The following XKR6 variants were observed in gnomAD, a reference collection of about 807,000 sequenced individuals.
The protein encoded by XKR6 is XK related 6.
XKR6 carries 22 observed loss-of-function variants against 56.7 expected under a neutral mutation model. The ratio of observed to expected loss-of-function variants is 0.39; its 90% confidence interval spans 0.28 to 0.55. The LOEUF is 0.55. XKR6 is among the 20% of genes least tolerant of loss of function. XKR6 has a pLI of 0.66. For missense variants in XKR6, 852 were observed against 889.0 expected (o/e 0.96, Z 0.53); for synonymous variants, 524 against 387.8 (o/e 1.35, Z -4.13).
intron 1 of XKR6, among the ~76,000 whole-genome samples, chr8:11,161,179 A>C (rs7819338): frequency 0.079 from 12,016 of 152,188 alleles, 1,199 homozygotes; most frequent in African/African-American, 0.24. Flanking sequence ...GAAATCAAAG[A>C]TATAGGATGG....
intron 1 of XKR6, chr8:11,062,731 T>C (rs575001525): frequency 2.2e-6 from 1 of 456,166 alleles, no homozygotes; most frequent in African/African-American, 2.0e-5. Flanking sequence ...TTTTTTTAAA[T>C]ACTGTGACAT....
intron 1 of XKR6, among the ~76,000 whole-genome samples, chr8:10,998,227 C>T (rs915754553): frequency 6.6e-6 from 1 of 151,990 alleles, no homozygotes; most frequent in African/African-American, 2.4e-5. Context: ...CCCAAGCAAG[C>T]TCCCCAACAA....
intron 1 of XKR6, among the ~76,000 whole-genome samples, chr8:11,026,923 A>C (rs903411433): frequency 3.3e-5 from 5 of 151,208 alleles, no homozygotes; most frequent in African/African-American, 1.2e-4. Flanking sequence ...TAGATAGTCT[A>C]GCCTACTACA....
intron 1 of XKR6, among the ~76,000 whole-genome samples, chr8:11,121,349 C>T (rs559633209): frequency 6.6e-6 from 1 of 152,066 alleles, no homozygotes; most frequent in Non-Finnish European, 1.5e-5. Context: ...AAGAAAAAAA[C>T]AAACAACCCC....
chr8:11,116,078 C>T (rs190782486), intron 1 of XKR6, among the ~76,000 whole-genome samples: 1 of 152,146 alleles, frequency 6.6e-6, no homozygotes, highest in African/African-American at 2.4e-5. Flanking sequence ...GTACATTTCC[C>T]ACGGATGTTC....
At chr8:11,190,233 A>AAAAAG (rs1441745211) in intron 1 of XKR6, among the ~76,000 whole-genome samples, 1 of 128,614 alleles carries the variant, frequency 7.8e-6, no homozygotes, top group Non-Finnish European at 1.7e-5. Context: ...AGAGAAAAGA[A>AAAAAG]AAAAGAAAAA....
chr8:10,966,517 C>CA lies in XKR6; in HGVS notation c.765-41688dup, dbSNP rs559182902. 2.1e-3 allele frequency among the ~76,000 whole-genome samples: 314 copies of CA among 151,962 alleles called. 1 individual carries two copies. Among genetic ancestry groups the CA allele is most frequent in the African/African-American group, 7.2e-3 (297 of 41,444 alleles). On this transcript the variant is annotated intron_variant, in intron 1 of 2. Coordinates refer to ENST00000416569, the MANE Select transcript of XKR6 (RefSeq NM_173683.4). The stretch of plus-strand genomic sequence containing the variant: ...TGAAACCCCGTCTCTACTAAAAATA[C>CA]AAAAAAATTAGCCTGGCGTGGTGGT...
chr8:11,030,841 G>A (rs901129182), intron 1 of XKR6, among the ~76,000 whole-genome samples: 2 of 152,204 alleles, frequency 1.3e-5, no homozygotes, highest in African/African-American at 4.8e-5. Context: ...AATGAGGAGG[G>A]AATTGCCCTC....
chr8:11,139,677 G>T (rs1260209123), intron 1 of XKR6, among the ~76,000 whole-genome samples: 1 of 152,188 alleles, frequency 6.6e-6, no homozygotes, highest in South Asian at 2.1e-4. Flanking sequence ...CAAAGAAAAG[G>T]CAGGTAAAAC....
chr8:10,981,841 T>A (rs770390457), intron 1 of XKR6, among the ~76,000 whole-genome samples: 4 of 152,246 alleles, frequency 2.6e-5, no homozygotes, highest in Non-Finnish European at 5.9e-5. Flanking sequence ...TAAGTAGAGA[T>A]GTCAAAGTGA....
At chr8:11,040,280 G>C (rs1308473729) in intron 1 of XKR6, among the ~76,000 whole-genome samples, 1 of 151,172 alleles carries the variant, frequency 6.6e-6, no homozygotes, top group East Asian at 1.9e-4. Flanking sequence ...CCAGCACTCT[G>C]AGAGGCCGAA....
chr8:10,906,827 A>G (rs1313650928), intron 2 of XKR6, among the ~76,000 whole-genome samples: 1 of 152,178 alleles, frequency 6.6e-6, no homozygotes, highest in African/African-American at 2.4e-5. Flanking sequence ...AGGTCAGGAG[A>G]TTGAGACCAT....
chr8:11,128,888 G>A (rs1318826970), intron 1 of XKR6: 1 of 456,626 alleles, frequency 2.2e-6, no homozygotes, highest in Non-Finnish European at 4.4e-6. Flanking sequence ...CTCTTGCCTT[G>A]GTCACTGCTA....
At chr8:10,940,695 GCC>G (rs2129123426) in intron 1 of XKR6, among the ~76,000 whole-genome samples, 1 of 152,292 alleles carries the variant, frequency 6.6e-6, no homozygotes, top group African/African-American at 2.4e-5. Flanking sequence ...CCCAGGAGCT[GCC>G]TTGGCCAGCA....
At chr8:11,073,711 C>T (rs1800192637) in intron 1 of XKR6, among the ~76,000 whole-genome samples, 1 of 152,192 alleles carries the variant, frequency 6.6e-6, no homozygotes, top group South Asian at 2.1e-4. Context: ...AGTTCAATCA[C>T]AGGTTGTGAA....
In XKR6 at chr8:10,896,250, C is replaced by T. The variant is rs1048407521; in HGVS notation, c.*1702G>A. ...TTGAAAAATAAAAAAAAATTTAAAT[C>T]GTTGAACATACTTGCAACACCTGCA... On this transcript the variant is annotated 3_prime_UTR_variant, in exon 3 of 3. Coordinates refer to ENST00000416569, the MANE Select transcript of XKR6 (RefSeq NM_173683.4). The T allele has an allele frequency of 3.3e-5, 5 of 151,982 alleles. No homozygotes were observed. Among genetic ancestry groups the T allele is most frequent in the Admixed American group, 2.0e-4 (3 of 15,214 alleles). 9.4% of individuals were successfully genotyped at this position (151,982 alleles called of 1,614,324 possible). A position where few individuals can be genotyped will look rare whatever the true frequency, so the allele number is the denominator to read the frequency against.
rs1045388642 is a variant in XKR6, at chr8:10,898,273, C to A, written c.1605G>T (p.Gly535=). The change falls in exon 3 of 3, where the codon GGG becomes GGT. Residue 535 remains glycine, a synonymous_variant. Coordinates refer to ENST00000416569, the MANE Select transcript of XKR6 (RefSeq NM_173683.4). The surrounding 1 kb of genome is among the most constrained non-coding windows in gnomAD (Gnocchi z 6.6). ...DVEPMAPEIP[G]YRGTQVTPTR... is the part of the protein sequence containing the mutation. ...TGGGCGTAACCTGGGTCCCCCGGTA[C>A]CCAGGGATCTCAGGCGCCATGGGCT... The A allele has an allele frequency of 6.2e-7, 1 of 1,614,058 alleles. No individual in the cohort carries two copies. Among genetic ancestry groups the A allele is most frequent in the Non-Finnish European group, 8.5e-7 (1 of 1,179,988 alleles).
chr8:11,114,264 C>T (rs1360931289), intron 1 of XKR6, among the ~76,000 whole-genome samples: 1 of 152,186 alleles, frequency 6.6e-6, no homozygotes, highest in East Asian at 1.9e-4. Flanking sequence ...CCGTCTTATC[C>T]TGTTAGCCGC....
chr8:11,030,595 G>T (rs1252592808), intron 1 of XKR6, among the ~76,000 whole-genome samples: 2 of 152,180 alleles, frequency 1.3e-5, no homozygotes, highest in Non-Finnish European at 2.9e-5. Flanking sequence ...CTCTGCAAGG[G>T]TCCCTTACAA....
Sources: gnomAD v4.1 joint callset for allele counts (sites outside exome capture counted in the v4.1 genomes callset) on GRCh38, gnomAD v4.1.1 for gene constraint, Gnocchi (gnomAD v3.1) non-coding constraint, MANE v1.5 for transcripts, NCBI Gene and HGNC (gene_info 2026-07-23, HGNC 2026-07-21) for gene names.